PRKRIP1: variants seen among roughly 807,000 people sequenced by gnomAD.
PRKRIP1 encodes the protein PRKR interacting protein 1, also known as PRKR-interacting protein 1.
Under a neutral mutation model 29.3 loss-of-function variants are expected in PRKRIP1, and 29 were observed. The observed-to-expected ratio is 0.99, with a 90% CI of 0.74 to 1.35. The LOEUF is 1.35. PRKRIP1 is among the 40% of genes most tolerant of loss of function. The probability of loss-of-function intolerance (pLI) is 0.00; values close to 1 mark genes in which losing one functional copy is unlikely to be tolerated. For synonymous variants in PRKRIP1, 90 were observed against 85.1 expected, an observed-to-expected ratio of 1.06 and a Z score of -0.32; for missense variants, 247 against 236.8, an observed-to-expected ratio of 1.04 and a Z score of -0.28.
intron 5 of PRKRIP1, among the ~76,000 whole-genome samples, chr7:102,421,005 G>A (rs575511393): frequency 9.9e-5 from 15 of 152,134 alleles, no homozygotes; most frequent in African/African-American, 3.4e-4. Flanking sequence ...TGCCCCACAC[G>A]GTGCCCAGAC....
chr7:102,397,482 G>C, intron 1 of PRKRIP1, 138 bp from the exon 2 acceptor site: 1 of 658,594 alleles, frequency 1.5e-6, no homozygotes, highest in Non-Finnish European at 2.7e-6. Context: ...GGAGTTCAAG[G>C]CTGCAGTGAG....
intron 5 of PRKRIP1, among the ~76,000 whole-genome samples, chr7:102,420,536 G>A (rs113722198): frequency 5.0e-4 from 76 of 152,262 alleles, no homozygotes; most frequent in African/African-American, 1.8e-3. Flanking sequence ...TTACTGTTAT[G>A]TATTTGTTAT....
At chr7:102,401,075 A>C (rs1796057843) in intron 3 of PRKRIP1, among the ~76,000 whole-genome samples, 1 of 152,234 alleles carries the variant, frequency 6.6e-6, no homozygotes, top group African/African-American at 2.4e-5. Flanking sequence ...AACAAACAAA[A>C]AAATGATGAA....
chr7:102,401,441 C>A lies in PRKRIP1; in HGVS notation c.306+1793C>A, dbSNP rs540524142. Among the ~76,000 whole-genome samples the A allele has an allele frequency of 3.3e-5, 5 of 152,184 alleles. No individual in the cohort carries two copies. In the East Asian group the frequency reaches 9.6e-4, roughly 29 times the overall value. ...GGCCAAAATTGAGTTAGAAAAAATT[C>A]TGCTTTGGGGGGCCAGCCGTGGTGG... On this transcript the variant is annotated intron_variant, in intron 3 of 5. Transcript: ENST00000397912.
intron 2 of PRKRIP1, among the ~76,000 whole-genome samples, chr7:102,398,476 G>C (rs1356971120): frequency 6.6e-6 from 1 of 151,912 alleles, no homozygotes; most frequent in South Asian, 2.1e-4. Flanking sequence ...GTAGAGACTG[G>C]GTTTCACTAT....
intron 3 of PRKRIP1, chr7:102,404,391 G>C (rs1554571570): frequency 3.7e-6 from 2 of 536,242 alleles, no homozygotes; most frequent in Non-Finnish European, 6.7e-6. Context: ...AACTAAAAGA[G>C]TTACTTCGCC....
chr7:102,403,686 A>G (rs1334983762), intron 3 of PRKRIP1, among the ~76,000 whole-genome samples: 1 of 152,104 alleles, frequency 6.6e-6, no homozygotes, highest in Non-Finnish European at 1.5e-5. Context: ...CCCTTATTTC[A>G]TTATTGTTCC....
Position 102,425,132 on chromosome 7 carries a change from G to A in PRKRIP1, c.*21G>A, listed in dbSNP as rs1202108940. ...GATGACAATGTTTGCCACAGCCTCT[G>A]CCTGGAACCTGGCTCGTGCTGTGAC... On this transcript the variant is annotated 3_prime_UTR_variant, in exon 6 of 6. Transcript: ENST00000397912. The A allele has an allele frequency of 5.6e-6, 9 of 1,605,402 alleles. No homozygotes were observed. Among genetic ancestry groups the A allele is most frequent in the Non-Finnish European group, 6.8e-6 (8 of 1,178,186 alleles).
At chr7:102,418,311 A>G (rs1233202132) in intron 5 of PRKRIP1, among the ~76,000 whole-genome samples, 2 of 152,024 alleles carry the variant, frequency 1.3e-5, no homozygotes, top group Non-Finnish European at 2.9e-5. Context: ...CGGCCTCCCA[A>G]AGTGCTGGGA....
intron 5 of PRKRIP1, among the ~76,000 whole-genome samples, chr7:102,409,908 T>A (rs1554572330): frequency 6.6e-6 from 1 of 152,198 alleles, no homozygotes; most frequent in African/African-American, 2.4e-5. Flanking sequence ...TTGCTGCTTA[T>A]CATTGTCATT....
intron 5 of PRKRIP1, 24 bp downstream of exon 5, chr7:102,407,522 G>T (rs1446244210): frequency 3.2e-6 from 5 of 1,566,760 alleles, no homozygotes; most frequent in African/African-American, 1.4e-5. Context: ...ACTTTTCTTG[G>T]CTGTAGCTTC....
chr7:102,405,580 G>C (rs1796192172), intron 4 of PRKRIP1, among the ~76,000 whole-genome samples: 1 of 152,130 alleles, frequency 6.6e-6, no homozygotes, highest in Non-Finnish European at 1.5e-5. Context: ...GGGTGACAAA[G>C]TGCAACCCTG....
In PRKRIP1 at chr7:102,404,177, A is replaced by T. The variant is rs186576928; in HGVS notation, c.307-421A>T. Among the ~76,000 whole-genome samples, 351 of 152,242 alleles carry T rather than the reference A, an allele frequency of 2.3e-3. 2 individuals are homozygous for T. Among genetic ancestry groups the T allele is most frequent in the African/African-American group, 7.9e-3 (329 of 41,550 alleles). On this transcript the variant is annotated intron_variant, in intron 3 of 5. Transcript: ENST00000397912. ...GACCTTGTCTCAAAACAAAAACAAA[A>T]AAACTCAGCCATTTGGTAACTATGG...
intron 3 of PRKRIP1, among the ~76,000 whole-genome samples, chr7:102,400,670 C>T (rs923473029): frequency 3.9e-5 from 6 of 152,094 alleles, no homozygotes; most frequent in African/African-American, 1.4e-4. Context: ...GAGTTTTGCT[C>T]TTGTTGCCCA....
chr7:102,408,637 C>A (rs1048977229), intron 5 of PRKRIP1, among the ~76,000 whole-genome samples: 6 of 152,320 alleles, frequency 3.9e-5, no homozygotes, highest in Middle Eastern at 3.4e-3. Context: ...ATGGCTATTC[C>A]ATGCTTGACT....
rs377708019 is a variant in PRKRIP1, at chr7:102,404,585, G to A, written c.307-13G>A. 6 of 1,611,048 alleles carry A rather than the reference G, an allele frequency of 3.7e-6. No homozygotes were observed. The African/African-American group carries it at 6.7e-5, about 18-fold the overall frequency. The stretch of plus-strand genomic sequence containing the variant: ...GACCAGAGCGTGTCTAAATGATGTG[G>A]GTTTTGTTGCAGCAAAAATTGGATG... On this transcript the variant is annotated splice_polypyrimidine_tract_variant and intron_variant, in intron 3 of 5. Coordinates refer to ENST00000397912, the MANE Select transcript of PRKRIP1 (RefSeq NM_024653.4).
intron 2 of PRKRIP1, among the ~76,000 whole-genome samples, chr7:102,399,185 A>G (rs1460442836): frequency 6.6e-6 from 1 of 152,166 alleles, no homozygotes; most frequent in Non-Finnish European, 1.5e-5. Context: ...TACATATACA[A>G]CTTTGTAAGC....
chr7:102,398,819 A>G (rs189121384), intron 2 of PRKRIP1, among the ~76,000 whole-genome samples: 4 of 152,156 alleles, frequency 2.6e-5, no homozygotes, highest in Non-Finnish European at 4.4e-5. Context: ...TTAATGTGCA[A>G]TAGCATTATG....
Position 102,399,594 on chromosome 7 carries a change from T to C in PRKRIP1, c.252T>C (p.His84=). The change falls in exon 3 of 6, where the codon CAT becomes CAC. Residue 84 remains histidine, a synonymous_variant. Coordinates refer to ENST00000397912, the MANE Select transcript of PRKRIP1 (RefSeq NM_024653.4). ...AGSGEFHVYR[H]LRRREYQRQD... ...GTGGAGAGTTCCACGTGTACAGACA[T>C]CTGCGCCGGAGAGAATATCAGCGAC... 6.2e-7 allele frequency: 1 copy of C among 1,614,122 alleles called. No individual in the cohort carries two copies. The highest frequency in any genetic ancestry group is 8.5e-7 in the Non-Finnish European group (1 of 1,180,022).
Sources: allele counts gnomAD v4.1 joint callset (sites outside exome capture counted in the v4.1 genomes callset), GRCh38; gene constraint gnomAD v4.1.1; transcripts MANE v1.5; gene names NCBI Gene and HGNC (gene_info 2026-07-23, HGNC 2026-07-21).